MARCHF6: variants seen among roughly 807,000 people sequenced by gnomAD.
MARCHF6 encodes membrane associated ring-CH-type finger 6, also known as E3 ubiquitin-protein ligase MARCHF6.
MARCHF6 carries 31 observed loss-of-function variants against 133.7 expected under a neutral mutation model. That is an observed-to-expected ratio of 0.23 (90% CI 0.17 to 0.31). The LOEUF (loss-of-function observed/expected upper bound fraction) is 0.31, where lower values mean the gene tolerates loss of function less well. MARCHF6 is among the 10% of genes least tolerant of loss of function. The pLI is 1.00. For missense variants in MARCHF6, 723 were observed against 1,121.6 expected (o/e 0.64, Z 5.08); for synonymous variants, 395 against 402.5 (o/e 0.98, Z 0.22).
In MARCHF6 at chr5:10,435,146, A is replaced by G. The variant is rs1266684341; in HGVS notation, c.*1462A>G. The G allele has an allele frequency of 2.0e-5, 3 of 152,662 alleles. No homozygotes were observed. The East Asian group carries it at 5.8e-4, about 29-fold the overall frequency. The allele number at this position is 152,662 out of a possible 1,614,324, so 9.5% of individuals were successfully genotyped here. A position where few individuals can be genotyped will look rare whatever the true frequency, so the allele number is the denominator to read the frequency against. The stretch of plus-strand genomic sequence containing the variant: ...CATATAGTATTAAAATCCATAGACT[A>G]AAATCTGAGAATTTTTTAACATATG... On this transcript the variant is annotated 3_prime_UTR_variant, in exon 26 of 26. Transcript: ENST00000274140.
chr5:10,423,656 A>T, intron 22 of MARCHF6, 79 bp from the exon 23 acceptor site: 1 of 910,084 alleles, frequency 1.1e-6, no homozygotes. Context: ...GAAATAATGT[A>T]AGAAAATTAT....
chr5:10,420,026 C>T (rs1188194520), intron 22 of MARCHF6, among the ~76,000 whole-genome samples: 1 of 151,738 alleles, frequency 6.6e-6, no homozygotes, highest in African/African-American at 2.4e-5. Flanking sequence ...AGTCAGTGAT[C>T]ACTTAACAGT....
intron 25 of MARCHF6, among the ~76,000 whole-genome samples, chr5:10,432,581 C>T (rs143822469): frequency 6.6e-6 from 1 of 152,364 alleles, no homozygotes; most frequent in South Asian, 2.1e-4. Flanking sequence ...AGTGAGCCTT[C>T]GATGCAGCTG....
chr5:10,383,378 T>C (rs2126709035), intron 4 of MARCHF6, among the ~76,000 whole-genome samples: 1 of 152,242 alleles, frequency 6.6e-6, no homozygotes, highest in South Asian at 2.1e-4. Flanking sequence ...AAGCTGACCA[T>C]GGTAAAGGAA....
chr5:10,402,674 A>G, intron 14 of MARCHF6, 67 bp downstream of exon 14: 4 of 1,288,908 alleles, frequency 3.1e-6, no homozygotes, highest in African/African-American at 1.5e-5. Flanking sequence ...AGTCTTCAGC[A>G]TGTATTCTTT....
At chr5:10,363,471 T>A (rs891277379) in intron 1 of MARCHF6, among the ~76,000 whole-genome samples, 2 of 152,214 alleles carry the variant, frequency 1.3e-5, no homozygotes, top group African/African-American at 4.8e-5. Flanking sequence ...CTAGGATGGC[T>A]ATAATCAGAA....
rs763899548 is a variant in MARCHF6, at chr5:10,403,508, C to T, written c.1299C>T (p.Phe433=). 7 of 1,613,288 alleles carry T rather than the reference C, an allele frequency of 4.3e-6. No homozygotes were observed. Among genetic ancestry groups the T allele is most frequent in the Non-Finnish European group, 5.9e-6 (7 of 1,179,718 alleles). ...GGCTAGTGGGAATGGTATATGTCTT[C>T]TACTTTGCCTCCTTCATTCTACTAC... ...LHWLVGMVYV[F]YFASFILLLR... The change falls in exon 15 of 26, where the codon TTC becomes TTT. Residue 433 remains phenylalanine (F), a synonymous_variant. Transcript: ENST00000274140.
At chr5:10,430,171 T>A in intron 25 of MARCHF6, 143 bp downstream of exon 25, 3 of 934,634 alleles carry the variant, frequency 3.2e-6, no homozygotes. Flanking sequence ...GCTGACAGAT[T>A]GTGACATGTG....
intron 20 of MARCHF6, 101 bp from the exon 21 acceptor site, chr5:10,415,387 G>GAT: frequency 9.4e-7 from 1 of 1,060,266 alleles, no homozygotes; most frequent in Admixed American, 2.1e-5. Flanking sequence ...TATCGAATGT[G>GAT]ATATCTTTTT....
rs921602665 is a variant in MARCHF6, at chr5:10,405,684, A to T, written c.1452+7A>T. On this transcript the variant is annotated splice_region_variant and intron_variant, in intron 16 of 25. Coordinates refer to ENST00000274140, the MANE Select transcript of MARCHF6 (RefSeq NM_005885.4). ...AAGATTTATTTTGTCAGTGGTAAGA[A>T]GATGTTTCCATTGTTTTTTTTTTTT... 33 of 1,576,514 alleles carry T rather than the reference A, an allele frequency of 2.1e-5. No homozygotes were observed. The highest frequency in any genetic ancestry group is 2.7e-5 in the Non-Finnish European group (32 of 1,169,196).
chr5:10,367,242 G>A (rs1045012667), intron 1 of MARCHF6, among the ~76,000 whole-genome samples: 3 of 152,162 alleles, frequency 2.0e-5, no homozygotes, highest in Non-Finnish European at 4.4e-5. Flanking sequence ...GAAAAGGGAC[G>A]TTAGGTAAAG....
Position 10,407,503 on chromosome 5 carries a change from C to G in MARCHF6, c.1553+301C>G, listed in dbSNP as rs906835674. On this transcript the variant is annotated intron_variant, in intron 17 of 25. Transcript: ENST00000274140. Reference sequence around the variant, plus strand: ...TCTGCGCATAAAGTATGCATTTGCACACCATTGAAATGTTTTACCATACCT... The same window carrying G: ...TCTGCGCATAAAGTATGCATTTGCAGACCATTGAAATGTTTTACCATACCT... Among the ~76,000 whole-genome samples, 11 of 152,224 alleles carry G rather than the reference C, an allele frequency of 7.2e-5. 1 individual carries two copies. Among genetic ancestry groups the G allele is most frequent in the Admixed American group, 5.2e-4 (8 of 15,288 alleles).
intron 1 of MARCHF6, among the ~76,000 whole-genome samples, chr5:10,356,530 G>C (rs1363543436): frequency 6.6e-6 from 1 of 151,718 alleles, no homozygotes; most frequent in Non-Finnish European, 1.5e-5. Flanking sequence ...TGAGTAGCTG[G>C]GATTACAGGA....
At chr5:10,426,164 A>C (rs967583536) in intron 23 of MARCHF6, among the ~76,000 whole-genome samples, 8 of 152,302 alleles carry the variant, frequency 5.3e-5, no homozygotes, top group South Asian at 2.1e-4. Flanking sequence ...GTCTTATTTC[A>C]TCACTTAGCA....
chr5:10,353,741 T>A lies in MARCHF6; in HGVS notation c.-158T>A. ...GTGTCGCTCGCTTTCTGTCAGCCTC[T>A]CTCCCTCTCCCTCTCCCCTCTCCTT... On this transcript the variant is annotated 5_prime_UTR_variant, in exon 1 of 26. Coordinates refer to ENST00000274140, the MANE Select transcript of MARCHF6 (RefSeq NM_005885.4). 2 of 316,692 alleles carry A rather than the reference T, an allele frequency of 6.3e-6. No individual in the cohort carries two copies. The highest frequency in any genetic ancestry group is 4.7e-5 in the South Asian group (2 of 42,150). The allele number at this position is 316,692 out of a possible 1,614,324, so 19.6% of individuals were successfully genotyped here.
At chr5:10,371,582 G>A (rs1023145122) in intron 1 of MARCHF6, among the ~76,000 whole-genome samples, 6 of 152,086 alleles carry the variant, frequency 3.9e-5, no homozygotes, top group Non-Finnish European at 7.4e-5. Context: ...TCACTATCAC[G>A]AGAACAGCAT....
chr5:10,433,653 C>T lies in MARCHF6; in HGVS notation c.2702C>T (p.Ser901Phe), dbSNP rs748692826. ...YERKSGKQGS[S>F]PPPPQSSQE is the part of the protein sequence containing the mutation. Reference sequence around the variant, plus strand: ...CGGAAATCTGGCAAACAAGGCTCATCTCCACCACCTCCACAGTCATCCCAA... The same window carrying T: ...CGGAAATCTGGCAAACAAGGCTCATTTCCACCACCTCCACAGTCATCCCAA... The change falls in exon 26 of 26, where the codon TCT becomes TTT. Residue 901 changes from serine (S) to phenylalanine (F), a missense_variant. Ser to Phe is a radical substitution (Grantham distance 155). Transcript: ENST00000274140. 3.7e-6 allele frequency: 6 copies of T among 1,614,234 alleles called. No homozygotes were observed. Among genetic ancestry groups the T allele is most frequent in the Non-Finnish European group, 5.1e-6 (6 of 1,180,032 alleles).
At chr5:10,354,464 GT>G (rs1035956351) in intron 1 of MARCHF6, among the ~76,000 whole-genome samples, 1 of 152,144 alleles carries the variant, frequency 6.6e-6, no homozygotes, top group African/African-American at 2.4e-5. Flanking sequence ...TCGAGAATCT[GT>G]TTACTAAACG....
chr5:10,376,786 G>A lies in MARCHF6; in HGVS notation c.20-1012G>A, dbSNP rs1736809222. On this transcript the variant is annotated intron_variant, in intron 1 of 25. Coordinates refer to ENST00000274140, the MANE Select transcript of MARCHF6 (RefSeq NM_005885.4). ...ACGCACCACACTGCTCTCGGCATGT[G>A]CTCACTTGAATCCGATGGATGTCAG... Among the ~76,000 whole-genome samples, 3 of 152,190 alleles carry A rather than the reference G, an allele frequency of 2.0e-5. No homozygotes were observed. The South Asian group carries it at 6.2e-4, about 32-fold the overall frequency.
Sources: gnomAD v4.1 joint callset for allele counts (sites outside exome capture counted in the v4.1 genomes callset) on GRCh38, gnomAD v4.1.1 for gene constraint, MANE v1.5 for transcripts, NCBI Gene and HGNC (gene_info 2026-07-23, HGNC 2026-07-21) for gene names.